Variants in NCSTN observed in about 807,000 individuals in gnomAD.
The protein encoded by NCSTN is nicastrin.
In NCSTN, 22 loss-of-function variants were observed where a neutral mutation model predicts 87.0. The ratio of observed to expected loss-of-function variants is 0.25; its 90% CI spans 0.18 to 0.36. The LOEUF is 0.36. Among genes scored for constraint, NCSTN ranks in the 10% least tolerant of loss-of-function variants. The pLI is 1.00. For synonymous variants in NCSTN, 306 were observed against 327.1 expected, an observed-to-expected ratio of 0.94 and a Z score of 0.69; for missense variants, 693 against 883.3, an observed-to-expected ratio of 0.78 and a Z score of 2.73.
In NCSTN at chr1:160,358,502, T is replaced by C; in HGVS notation, c.*231T>C. 1 of 583,194 alleles carries C rather than the reference T, an allele frequency of 1.7e-6. No homozygotes were observed. The highest frequency in any genetic ancestry group is 3.0e-6 in the Non-Finnish European group (1 of 329,898). 36.1% of individuals were successfully genotyped at this position (583,194 alleles called of 1,614,324 possible). ...TCCCCATTTCCTCTTCCTTCTCTAC[T>C]CATGCCAGATTTTGGGATTACAAAT... On this transcript the variant is annotated 3_prime_UTR_variant, in exon 17 of 17. Transcript: ENST00000294785.
At chr1:160,349,953 G>T (rs1473796671) in intron 4 of NCSTN, 152 bp from the exon 5 acceptor site, 9 of 1,018,168 alleles carry the variant, frequency 8.8e-6, no homozygotes, top group African/African-American at 1.6e-5. Flanking sequence ...CTATTTTAGT[G>T]TGGATGGTAA....
At chr1:160,345,811 T>TGC (rs1057432169) in intron 2 of NCSTN, among the ~76,000 whole-genome samples, 5 of 151,458 alleles carry the variant, frequency 3.3e-5, no homozygotes, top group Non-Finnish European at 5.9e-5. Context: ...TGCTATGGCA[T>TGC]GCCTGTAGTC....
At chr1:160,355,996 AC>A (rs1462846254) in intron 13 of NCSTN, 38 bp downstream of exon 13, 2 of 1,546,546 alleles carry the variant, frequency 1.3e-6, no homozygotes, top group Admixed American at 3.3e-5. Context: ...TTCTATTTAC[AC>A]AGCAAGCTGT....
chr1:160,356,896 C>A, intron 15 of NCSTN, 142 bp downstream of exon 15: 5 of 1,397,438 alleles, frequency 3.6e-6, no homozygotes, highest in Non-Finnish European at 4.0e-6. Flanking sequence ...TGTTGAAAAG[C>A]CTGGGTGAAA....
intron 2 of NCSTN, among the ~76,000 whole-genome samples, chr1:160,346,022 C>A (rs1288724746): frequency 2.1e-5 from 3 of 142,910 alleles, no homozygotes; most frequent in Non-Finnish European, 4.6e-5. Context: ...TTTTTTAAAA[C>A]TTTTTTTCCT....
chr1:160,353,546 A>G (rs563648529), intron 10 of NCSTN: 111 of 1,279,812 alleles, frequency 8.7e-5, no homozygotes, highest in Middle Eastern at 3.2e-4. Flanking sequence ...CATGGATCCA[A>G]TTGTCAAGGC....
intron 2 of NCSTN, chr1:160,345,086 A>G: frequency 1.8e-6 from 1 of 554,476 alleles, no homozygotes; most frequent in Non-Finnish European, 3.2e-6. Context: ...TGTTATTGTC[A>G]CTTTATAAAT....
chr1:160,345,938 G>GAAAAAAAAAAAAA lies in NCSTN; in HGVS notation c.190+1123_190+1135dup, dbSNP rs56358787. On this transcript the variant is annotated intron_variant, in intron 2 of 16. Transcript: ENST00000294785. The stretch of plus-strand genomic sequence containing the variant: ...TAGGTGACAGAGTGAGACACTGTCT[G>GAAAAAAAAAAAAA]AAAAAAAAAAAAAAAAAAAAAAAGA... 5.5e-4 allele frequency among the ~76,000 whole-genome samples: 33 copies of GAAAAAAAAAAAAA among 59,786 alleles called. 1 individual carries two copies. The highest frequency in any genetic ancestry group is 7.1e-4 in the Non-Finnish European group (24 of 33,648). The allele number at this position is 59,786 out of a possible 152,430, so 39.2% of individuals were successfully genotyped here.
At chr1:160,353,606 C>G in intron 10 of NCSTN, 8 of 1,203,090 alleles carry the variant, frequency 6.6e-6, no homozygotes, top group Non-Finnish European at 8.4e-6. Flanking sequence ...AACTTGTCCT[C>G]CACTTTCCTC....
rs12041873 is a variant in NCSTN, at chr1:160,348,614, A to G, written c.191-385A>G. On this transcript the variant is annotated intron_variant, in intron 2 of 16. Transcript: ENST00000294785. The stretch of plus-strand genomic sequence containing the variant: ...AGGGCATGTATGCATGTGTTTTTAC[A>G]AAGGAAGATTCAAAGCTAAAACCCT... Among the ~76,000 whole-genome samples, 291 of 152,356 alleles carry G rather than the reference A, an allele frequency of 1.9e-3. 3 individuals carry two copies. The East Asian group carries it at 0.028, about 15-fold the overall frequency.
chr1:160,355,291 TG>T (rs1427268763), intron 11 of NCSTN, among the ~76,000 whole-genome samples: 3 of 152,336 alleles, frequency 2.0e-5, no homozygotes, highest in Admixed American at 1.3e-4. Context: ...AAATGTTCAT[TG>T]GAACAGTTAT....
intron 11 of NCSTN, among the ~76,000 whole-genome samples, chr1:160,354,959 C>G (rs1359418283): frequency 6.6e-6 from 1 of 152,202 alleles, no homozygotes; most frequent in South Asian, 2.1e-4. Flanking sequence ...GTAGCACCTT[C>G]TCATTCATTT....
At chr1:160,354,756 G>A (rs1438540054) in intron 11 of NCSTN, among the ~76,000 whole-genome samples, 2 of 152,318 alleles carry the variant, frequency 1.3e-5, no homozygotes, top group Admixed American at 1.3e-4. Flanking sequence ...TTCAGTGCGA[G>A]GGTAAAAGTG....
chr1:160,356,562 A>C, intron 14 of NCSTN, 38 bp from the exon 15 acceptor site: 1 of 1,612,606 alleles, frequency 6.2e-7, no homozygotes, highest in Non-Finnish European at 8.5e-7. Flanking sequence ...CCCACCATCC[A>C]CCCACCAAAT....
intron 7 of NCSTN, 108 bp downstream of exon 7, chr1:160,351,913 T>C: frequency 1.4e-6 from 2 of 1,465,094 alleles, no homozygotes; most frequent in African/African-American, 1.4e-5. Flanking sequence ...AAGCCTCAAA[T>C]GGGGAGGAAT....
intron 1 of NCSTN, chr1:160,343,892 G>T (rs1648273897): frequency 2.5e-6 from 1 of 392,650 alleles, no homozygotes; most frequent in Non-Finnish European, 5.2e-6. Flanking sequence ...TTAAAAGGTG[G>T]ATTTCTTATT....
rs1470587180 is a variant in NCSTN, at chr1:160,349,126, A to G, written c.314+4A>G. The G allele has an allele frequency of 1.9e-6, 3 of 1,614,070 alleles. No homozygotes were observed. The highest frequency in any genetic ancestry group is 1.3e-5 in the African/African-American group (1 of 74,930). On this transcript the variant is annotated splice_donor_region_variant and intron_variant, in intron 3 of 16. Coordinates refer to ENST00000294785, the MANE Select transcript of NCSTN (RefSeq NM_015331.3). ...TGGAGAGCAAGCATTTTACCAGGTA[A>G]GAACTAGATGTATCTGCTGGGAAAA...
chr1:160,343,935 T>TC (rs1648276798), intron 1 of NCSTN: 1 of 242,584 alleles, frequency 4.1e-6, no homozygotes, highest in Admixed American at 5.7e-5. Flanking sequence ...TAAGTCTGTG[T>TC]CCCCCTGCCT....
intron 2 of NCSTN, 69 bp from the exon 3 acceptor site, chr1:160,348,930 A>G: frequency 2.5e-6 from 4 of 1,605,422 alleles, no homozygotes; most frequent in Non-Finnish European, 3.4e-6. Context: ...AAAGATACGC[A>G]GAATCAGTGA....
Sources: allele counts gnomAD v4.1 joint callset (sites outside exome capture counted in the v4.1 genomes callset), GRCh38; gene constraint gnomAD v4.1.1; transcripts MANE v1.5; gene names NCBI Gene and HGNC (gene_info 2026-07-23, HGNC 2026-07-21).